The following USP15 variants were observed in gnomAD, a reference collection of about 807,000 sequenced individuals.
USP15 encodes ubiquitin carboxyl-terminal hydrolase 15.
In USP15, 18 loss-of-function variants were observed where a neutral mutation model predicts 127.1. The observed-to-expected ratio is 0.14, with a 90% CI of 0.10 to 0.21. The LOEUF (loss-of-function observed/expected upper bound fraction) is 0.21, where lower values mean the gene tolerates loss of function less well. Ranked by LOEUF, USP15 falls within the 10% of genes least tolerant of loss-of-function variation. The pLI, the probability that USP15 is intolerant of heterozygous loss-of-function variation, is 1.00. For synonymous variants in USP15, 364 were observed against 393.7 expected (o/e 0.92, Z 0.89); for missense variants, 805 against 1,159.9 (o/e 0.69, Z 4.44).
intron 8 of USP15, among the ~76,000 whole-genome samples, chr12:62,366,367 A>G (rs2066477148): frequency 6.6e-6 from 1 of 152,002 alleles, no homozygotes; most frequent in Admixed American, 6.5e-5. Context: ...TTATTGGTAT[A>G]TAGGAATGCT....
intron 8 of USP15, among the ~76,000 whole-genome samples, chr12:62,357,605 A>G (rs912264821): frequency 6.6e-6 from 1 of 152,212 alleles, no homozygotes; most frequent in Non-Finnish European, 1.5e-5. Flanking sequence ...TAAGCAGTGG[A>G]TATTATTTCA....
chr12:62,265,502 G>C (rs2063170690), intron 1 of USP15, among the ~76,000 whole-genome samples: 2 of 152,096 alleles, frequency 1.3e-5, no homozygotes, highest in South Asian at 4.1e-4. Flanking sequence ...TTAGGTCTTT[G>C]GTTTGTGCCC....
chr12:62,297,070 G>A (rs1592525770), intron 2 of USP15, among the ~76,000 whole-genome samples: 1 of 152,322 alleles, frequency 6.6e-6, no homozygotes, highest in East Asian at 1.9e-4. Context: ...TCCCAGGAAG[G>A]AAGGAGAGGA....
chr12:62,341,011 G>A (rs1266168808), intron 6 of USP15, among the ~76,000 whole-genome samples: 1 of 152,176 alleles, frequency 6.6e-6, no homozygotes, highest in East Asian at 1.9e-4. Flanking sequence ...GGGAGTCTGA[G>A]TCTCTTTCTA....
At chr12:62,329,646 G>A (rs2065229097) in intron 6 of USP15, among the ~76,000 whole-genome samples, 1 of 152,046 alleles carries the variant, frequency 6.6e-6, no homozygotes, top group Non-Finnish European at 1.5e-5. Context: ...GATACTAACA[G>A]ACAATTTAAA....
intron 6 of USP15, chr12:62,336,738 G>A (rs2065478834): frequency 6.3e-6 from 1 of 159,166 alleles, no homozygotes; most frequent in African/African-American, 2.4e-5. Flanking sequence ...ACTGAATAGA[G>A]GACAGCTAAA....
At chr12:62,349,949 A>G (rs2065918628) in intron 7 of USP15, among the ~76,000 whole-genome samples, 2 of 152,014 alleles carry the variant, frequency 1.3e-5, no homozygotes. Context: ...AAAGGAAAAA[A>G]GAAAACCTTT....
At chr12:62,355,684 A>G (rs955387329) in intron 8 of USP15, among the ~76,000 whole-genome samples, 1 of 151,896 alleles carries the variant, frequency 6.6e-6, no homozygotes, top group Non-Finnish European at 1.5e-5. Context: ...ATTGATTAAC[A>G]TAATGTACAA....
At chr12:62,370,099 C>T (rs1438654844) in intron 8 of USP15, among the ~76,000 whole-genome samples, 7 of 152,086 alleles carry the variant, frequency 4.6e-5, no homozygotes, top group African/African-American at 1.2e-4. Context: ...TTTAGCCTCC[C>T]GAGTAGCTGG....
chr12:62,276,131 C>G (rs1009935371), intron 1 of USP15, among the ~76,000 whole-genome samples: 2 of 152,016 alleles, frequency 1.3e-5, no homozygotes, highest in East Asian at 3.9e-4. Flanking sequence ...TCATAAAATT[C>G]CTTGTAATCC....
chr12:62,313,174 A>G (rs1185089366), intron 3 of USP15, among the ~76,000 whole-genome samples: 3 of 151,618 alleles, frequency 2.0e-5, no homozygotes, highest in African/African-American at 7.2e-5. Flanking sequence ...TCTGAATCCC[A>G]GTAGTGTGGA....
chr12:62,406,193 G>C lies in USP15; in HGVS notation c.*1818G>C, dbSNP rs1010562581. On this transcript the variant is annotated 3_prime_UTR_variant, in exon 22 of 22. Transcript: ENST00000280377. ...TTTATGGTTAGATGACTATATGCTA[G>C]ACTTTTTAGTTATAAATAGTTAATA... 2.2e-4 allele frequency: 33 copies of C among 152,070 alleles called. No individual in the cohort carries two copies. Among genetic ancestry groups the C allele is most frequent in the African/African-American group, 7.7e-4 (32 of 41,526 alleles). 9.4% of individuals were successfully genotyped at this position (152,070 alleles called of 1,614,324 possible). A position where few individuals can be genotyped will look rare whatever the true frequency, so the allele number is the denominator to read the frequency against.
At chr12:62,352,247 A>T (rs1177587884) in intron 7 of USP15, among the ~76,000 whole-genome samples, 1 of 151,882 alleles carries the variant, frequency 6.6e-6, no homozygotes, top group East Asian at 1.9e-4. Context: ...TATACTTGGA[A>T]TTATTTCATT....
chr12:62,351,935 CTG>C (rs2065979602), intron 7 of USP15, among the ~76,000 whole-genome samples: 2 of 151,330 alleles, frequency 1.3e-5, no homozygotes, highest in Admixed American at 6.6e-5. Flanking sequence ...ATTTAAACAA[CTG>C]TTTTACATAC....
intron 8 of USP15, among the ~76,000 whole-genome samples, chr12:62,365,897 G>A (rs2066461180): frequency 6.6e-6 from 1 of 152,144 alleles, no homozygotes; most frequent in African/African-American, 2.4e-5. Context: ...CCTCTGTTCT[G>A]TTGCATTGGT....
Position 62,283,933 on chromosome 12 carries a change from C to A in USP15, c.90-10246C>A, listed in dbSNP as rs192822322. Among the ~76,000 whole-genome samples, 204 of 152,192 alleles carry A rather than the reference C, an allele frequency of 1.3e-3. 1 individual carries two copies. Among genetic ancestry groups the A allele is most frequent in the African/African-American group, 4.8e-3 (201 of 41,532 alleles). On this transcript the variant is annotated intron_variant, in intron 1 of 21. Coordinates refer to ENST00000280377, the MANE Select transcript of USP15 (RefSeq NM_001252078.2). ...CTCCAGCCTGGGCAGCAGAGCGAGA[C>A]CCTATCTCCAAAAAACAAACAACAA...
chr12:62,323,656 C>A (rs969261341), intron 5 of USP15, among the ~76,000 whole-genome samples: 1 of 152,164 alleles, frequency 6.6e-6, no homozygotes, highest in African/African-American at 2.4e-5. Flanking sequence ...GACATAACCT[C>A]TCTCCTTGGT....
At position 62,415,277 on chromosome 12, in the gene USP15, T is replaced by C. The variant is rs2068130071; in HGVS notation, c.*10902T>C. 6.6e-6 allele frequency: 1 copy of C among 152,190 alleles called. No homozygotes were observed. Among genetic ancestry groups the C allele is most frequent in the South Asian group, 2.1e-4 (1 of 4,828 alleles). The allele number at this position is 152,190 out of a possible 1,614,324, so 9.4% of individuals were successfully genotyped here. On this transcript the variant is annotated 3_prime_UTR_variant, in exon 22 of 22. Transcript: ENST00000280377. ...TCCCAGTTCAATCAGGCAAGAGAAA[T>C]TATCCTTACTTGAGCCTTTTTTGTT...
chr12:62,307,141 G>GA (rs1342503235), intron 3 of USP15, among the ~76,000 whole-genome samples: 2 of 152,152 alleles, frequency 1.3e-5, no homozygotes, highest in Admixed American at 6.5e-5. Context: ...CATTGTTTTC[G>GA]AATTACCTCG....
Sources: allele counts gnomAD v4.1 joint callset (sites outside exome capture counted in the v4.1 genomes callset), GRCh38; gene constraint gnomAD v4.1.1; transcripts MANE v1.5; gene names NCBI Gene and HGNC (gene_info 2026-07-23, HGNC 2026-07-21).